Variants in GSG1L2 observed in about 807,000 individuals in gnomAD.
GSG1L2 encodes GSG1 like 2, also known as germ cell-specific gene 1-like protein 2.
In GSG1L2, 15 loss-of-function variants were observed where a neutral mutation model predicts 9.0. That is an observed-to-expected ratio of 1.67 (90% CI 1.12 to 2.57). The LOEUF (loss-of-function observed/expected upper bound fraction) is 2.57. GSG1L2 is among the 30% of genes most tolerant of loss of function. The probability of loss-of-function intolerance (pLI) is 0.00; values close to 1 mark genes in which losing one functional copy is unlikely to be tolerated. For missense variants in GSG1L2, 286 were observed against 150.3 expected, an observed-to-expected ratio of 1.90 and a Z score of -4.72; for synonymous variants, 127 against 57.9, an observed-to-expected ratio of 2.19 and a Z score of -5.41.
intron 1 of GSG1L2, among the ~76,000 whole-genome samples, chr17:9,814,806 G>A (rs1053897882): frequency 2.0e-5 from 3 of 152,078 alleles, no homozygotes; most frequent in African/African-American, 7.2e-5. Context: ...CTGTCATTTT[G>A]TTCTCCGCCG....
At chr17:9,816,507 T>C (rs1178986078) in intron 1 of GSG1L2, among the ~76,000 whole-genome samples, 1 of 145,662 alleles carries the variant, frequency 6.9e-6, no homozygotes, top group Non-Finnish European at 1.5e-5. Flanking sequence ...TGTGTGCCTG[T>C]CTGTGTGTGC....
rs183445725 is a variant in GSG1L2 at position 9,808,977 on chromosome 17, A to G, written c.364T>C (p.Leu122=). 588 of 703,082 alleles carry G rather than the reference A, an allele frequency of 8.4e-4. 8 individuals are homozygous for G. The Admixed American group carries it at 0.011, about 14-fold the overall frequency. 43.6% of individuals were successfully genotyped at this position (703,082 alleles called of 1,614,324 possible). A position where few individuals can be genotyped will look rare whatever the true frequency, so the allele number is the denominator to read the frequency against. ...SVVPAEEQGV[L]WLSIGGEVLD... ...ACCTCGCCCCCGATGGACAGCCACA[A>G]AACACCTGCCAAAGAACGGGATGTT... Residue 122 remains leucine, a synonymous_variant, in exon 3 of 5, where the codon TTG becomes CTG. Transcript: ENST00000399363.
intron 4 of GSG1L2, among the ~76,000 whole-genome samples, chr17:9,802,999 C>T (rs1393598675): frequency 2.0e-5 from 3 of 151,752 alleles, no homozygotes; most frequent in East Asian, 1.9e-4. Context: ...TGAGTGAATG[C>T]GTGGGAAGTA....
At chr17:9,816,860 A>ATC (rs1567711512) in intron 1 of GSG1L2, among the ~76,000 whole-genome samples, 5 of 130,592 alleles carry the variant, frequency 3.8e-5, no homozygotes, top group African/African-American at 9.0e-5. Context: ...GTGTATCTGT[A>ATC]TGTGTGTGTC....
chr17:9,809,622 CAG>C (rs1170039990), intron 2 of GSG1L2: 1 of 156,586 alleles, frequency 6.4e-6, no homozygotes, highest in East Asian at 1.9e-4. Flanking sequence ...GTGCATTTTA[CAG>C]AGTGCTGATT....
At position 9,801,175 on chromosome 17, in the gene GSG1L2, G is replaced by A. The variant is rs559867794; in HGVS notation, c.*1211C>T. On this transcript the variant is annotated 3_prime_UTR_variant, in exon 5 of 5. Transcript: ENST00000399363. ...TGGATCTGAGCAAGGACATATTGAAGGTTGTTAGAGTTTGCAGTCCCTTTC... is the reference window on the plus strand; with the variant it reads ...TGGATCTGAGCAAGGACATATTGAAAGTTGTTAGAGTTTGCAGTCCCTTTC... 2.2e-4 allele frequency among the ~76,000 whole-genome samples: 34 copies of A among 152,098 alleles called. No individual in the cohort carries two copies. The highest frequency in any genetic ancestry group is 8.2e-4 in the African/African-American group (34 of 41,500).
At chr17:9,817,210 A>G (rs1168145225) in intron 1 of GSG1L2, among the ~76,000 whole-genome samples, 4 of 152,164 alleles carry the variant, frequency 2.6e-5, no homozygotes, top group South Asian at 4.1e-4. Flanking sequence ...GCAGGTAGCC[A>G]GGTTGCAGCT....
chr17:9,810,608 A>G lies in GSG1L2; in HGVS notation c.321T>C (p.Cys107=), dbSNP rs2066535355. ...EESLNGEDEK[C]RSFRSVVPAE... ...CTGGCACTACACTCCGGAAACTCCT[A>G]CACTTTTCATCTGAAAGATAAAGAG... The change falls in exon 2 of 5, where the codon TGT becomes TGC. Residue 107 remains cysteine (C), a synonymous_variant. Coordinates refer to ENST00000399363, the MANE Select transcript of GSG1L2 (RefSeq NM_001310219.2). The G allele has an allele frequency of 1.4e-6, 1 of 703,050 alleles. No homozygotes were observed. The allele number at this position is 703,050 out of a possible 1,614,324, so 43.6% of individuals were successfully genotyped here.
chr17:9,815,723 G>T (rs2066556833), intron 1 of GSG1L2, among the ~76,000 whole-genome samples: 1 of 152,248 alleles, frequency 6.6e-6, no homozygotes, highest in African/African-American at 2.4e-5. Context: ...AGGACATCCA[G>T]TGAGGTACTT....
intron 1 of GSG1L2, among the ~76,000 whole-genome samples, chr17:9,812,467 C>T (rs1250556760): frequency 1.3e-5 from 2 of 152,190 alleles, no homozygotes; most frequent in East Asian, 3.9e-4. Context: ...TTCCACCTCC[C>T]CAGGGTCCCA....
At chr17:9,816,624 TTTGCATGTCTGTG>T in intron 1 of GSG1L2, among the ~76,000 whole-genome samples, 1 of 144,442 alleles carries the variant, frequency 6.9e-6, no homozygotes, top group African/African-American at 2.6e-5. Context: ...GTGTGTCTGT[TTTGCATGTCTGTG>T]TGCGTGTCTG....
rs67913736 is a variant in GSG1L2, at chr17:9,813,944, C to CTTT, written c.311-3327_311-3326insAAA. ...TGTGAACTGCATTCCACAGTTTTTTCTGTTTTTTTTGACGGAGGCTCGCTC... is the reference window on the plus strand; with the variant it reads ...TGTGAACTGCATTCCACAGTTTTTTCTTTTGTTTTTTTTGACGGAGGCTCGCTC... On this transcript the variant is annotated intron_variant, in intron 1 of 4. Coordinates refer to ENST00000399363, the MANE Select transcript of GSG1L2 (RefSeq NM_001310219.2). 5.3e-3 allele frequency among the ~76,000 whole-genome samples: 808 copies of CTTT among 151,170 alleles called. 8 individuals are homozygous for CTTT. Among genetic ancestry groups the CTTT allele is most frequent in the African/African-American group, 0.018 (750 of 41,100 alleles).
chr17:9,815,222 A>C (rs932945876), intron 1 of GSG1L2, among the ~76,000 whole-genome samples: 1 of 152,140 alleles, frequency 6.6e-6, no homozygotes, highest in Non-Finnish European at 1.5e-5. Flanking sequence ...CCCTGTCTCT[A>C]CTAAAAATAC....
Position 9,807,812 on chromosome 17 carries a change from G to T in GSG1L2, c.512-211C>A. 1.2e-5 allele frequency: 6 copies of T among 505,578 alleles called. 1 individual carries two copies. In the South Asian group the frequency reaches 1.3e-4, roughly 11 times the overall value. The allele number at this position is 505,578 out of a possible 1,614,324, so 31.3% of individuals were successfully genotyped here. A position where few individuals can be genotyped will look rare whatever the true frequency, so the allele number is the denominator to read the frequency against. The stretch of plus-strand genomic sequence containing the variant: ...GGAAAGACACAATCGGGGAGGACCT[G>T]TCAGAACCTGGGTAGGAGTCTCCAT... On this transcript the variant is annotated intron_variant, in intron 3 of 4. Coordinates refer to ENST00000399363, the MANE Select transcript of GSG1L2 (RefSeq NM_001310219.2).
intron 1 of GSG1L2, among the ~76,000 whole-genome samples, chr17:9,816,944 T>G (rs963321500): frequency 2.6e-4 from 10 of 37,848 alleles, no homozygotes; most frequent in African/African-American, 1.5e-3. Context: ...GTGTGTGTAG[T>G]AAACACTCTG....
intron 1 of GSG1L2, among the ~76,000 whole-genome samples, chr17:9,815,786 C>A (rs11655535): frequency 0.52 from 79,582 of 151,952 alleles, 21,943 homozygotes; most frequent in East Asian, 0.99. Flanking sequence ...AGAAGTCAGA[C>A]AGAGGTTGCT....
intron 1 of GSG1L2, among the ~76,000 whole-genome samples, chr17:9,811,671 G>A (rs972880007): frequency 2.0e-5 from 3 of 152,162 alleles, no homozygotes; most frequent in African/African-American, 7.2e-5. Context: ...GGAGGAGCCT[G>A]GGAAATCATC....
rs1393894751 is a variant in GSG1L2 at position 9,808,927 on chromosome 17, TG to T, written c.413del (p.Thr138LysfsTer10). On this transcript the variant is annotated frameshift_variant, in exon 3 of 5. Transcript: ENST00000399363. LOFTEE classifies it high-confidence loss of function. ...GEVLDIVLIL[T>X]SAILLGSRVS... ...CTCTGGAGCCCAGGAGGATGGCGCT[TG>T]TCAGTATCAGAACGATATCCAGGAC... is the stretch of plus-strand genomic sequence containing the variant. The T allele has an allele frequency of 1.7e-5, 12 of 702,886 alleles. No homozygotes were observed. The highest frequency in any genetic ancestry group is 1.0e-5 in the Non-Finnish European group (4 of 385,008). The allele number at this position is 702,886 out of a possible 1,614,324, so 43.5% of individuals were successfully genotyped here.
At chr17:9,813,792 C>T (rs1251814728) in intron 1 of GSG1L2, among the ~76,000 whole-genome samples, 3 of 152,262 alleles carry the variant, frequency 2.0e-5, no homozygotes, top group Non-Finnish European at 2.9e-5. Context: ...CAACGCCTGG[C>T]ATCTCTGCCT....
Sources: gnomAD v4.1 joint callset for allele counts (sites outside exome capture counted in the v4.1 genomes callset) on GRCh38, gnomAD v4.1.1 for gene constraint, MANE v1.5 for transcripts, NCBI Gene and HGNC (gene_info 2026-07-23, HGNC 2026-07-21) for gene names.